COX10: variants seen among roughly 807,000 people sequenced by gnomAD.
COX10 encodes protoheme IX farnesyltransferase, mitochondrial.
In COX10, 27 loss-of-function variants were observed where a neutral mutation model predicts 37.3. The observed-to-expected ratio is 0.72, with a 90% CI of 0.53 to 1.00. The LOEUF (loss-of-function observed/expected upper bound fraction) is 1.00. Ranked by LOEUF, COX10 falls within the 50% of genes least tolerant of loss-of-function variation. COX10 has a pLI of 0.00. For synonymous variants in COX10, 222 were observed against 229.1 expected, an observed-to-expected ratio of 0.97 and a Z score of 0.28; for missense variants, 475 against 563.2, an observed-to-expected ratio of 0.84 and a Z score of 1.59.
intron 3 of COX10, among the ~76,000 whole-genome samples, chr17:14,096,309 C>T (rs1031032049): frequency 2.6e-5 from 4 of 151,618 alleles, no homozygotes; most frequent in African/African-American, 4.8e-5. Flanking sequence ...ACTTTCAGAC[C>T]ATAGCCCAGG....
chr17:14,094,903 G>A (rs1011183769), intron 3 of COX10, among the ~76,000 whole-genome samples: 1 of 152,192 alleles, frequency 6.6e-6, no homozygotes, highest in Non-Finnish European at 1.5e-5. Flanking sequence ...ACGGACAGGA[G>A]CCTGGAAGTC....
intron 4 of COX10, among the ~76,000 whole-genome samples, chr17:14,118,187 G>T (rs896016667): frequency 1.3e-5 from 2 of 152,068 alleles, no homozygotes; most frequent in African/African-American, 4.8e-5. Flanking sequence ...CAGGCCAAAA[G>T]GCAACTTTTG....
intron 5 of COX10, among the ~76,000 whole-genome samples, chr17:14,172,578 CTTTT>C (rs57560461): frequency 4.7e-5 from 5 of 105,606 alleles, no homozygotes; most frequent in Non-Finnish European, 7.9e-5. Flanking sequence ...TTTTCTTTTT[CTTTT>C]TTTTTTTTTT....
intron 3 of COX10, among the ~76,000 whole-genome samples, chr17:14,078,400 G>A (rs1021078267): frequency 6.6e-6 from 1 of 152,112 alleles, no homozygotes; most frequent in East Asian, 1.9e-4. Context: ...CTGCAGATTA[G>A]CTCTCGTCTC....
At chr17:14,144,053 A>G (rs1183286004) in intron 4 of COX10, among the ~76,000 whole-genome samples, 1 of 152,148 alleles carries the variant, frequency 6.6e-6, no homozygotes, top group Admixed American at 6.6e-5. Flanking sequence ...CCTTTGCTTT[A>G]TAGTTCAGAA....
At chr17:14,170,753 G>T (rs1336091190) in intron 5 of COX10, among the ~76,000 whole-genome samples, 2 of 152,132 alleles carry the variant, frequency 1.3e-5, no homozygotes, top group African/African-American at 4.8e-5. Flanking sequence ...GGATTTGGAG[G>T]TTACAGTGAG....
intron 4 of COX10, among the ~76,000 whole-genome samples, chr17:14,107,995 C>T (rs143232302): frequency 1.3e-5 from 2 of 152,258 alleles, no homozygotes; most frequent in East Asian, 1.9e-4. Flanking sequence ...ATAATACTTC[C>T]AGTGTATCAC....
intron 4 of COX10, 21 bp downstream of exon 4, chr17:14,102,263 T>C (rs746205584): frequency 6.2e-7 from 1 of 1,613,354 alleles, no homozygotes; most frequent in Admixed American, 1.7e-5. Context: ...CACTTTCATC[T>C]AAATTATGTT....
intron 5 of COX10, among the ~76,000 whole-genome samples, chr17:14,162,849 A>G (rs1020663731): frequency 3.3e-5 from 5 of 152,192 alleles, no homozygotes; most frequent in African/African-American, 1.2e-4. Context: ...AAATTTCAAG[A>G]TGTTACCAAT....
At chr17:14,187,548 A>G (rs1002984416) in intron 5 of COX10, among the ~76,000 whole-genome samples, 8 of 152,202 alleles carry the variant, frequency 5.3e-5, no homozygotes, top group Admixed American at 5.2e-4. Context: ...AAAGGCAGAG[A>G]AGATATCAAC....
intron 6 of COX10, among the ~76,000 whole-genome samples, chr17:14,204,461 C>T (rs1318865476): frequency 6.6e-6 from 1 of 151,764 alleles, no homozygotes; most frequent in Non-Finnish European, 1.5e-5. Flanking sequence ...ATACCTCCTC[C>T]CTCTCTCCTC....
At chr17:14,202,092 C>CTCT (rs1555542082) in intron 6 of COX10, among the ~76,000 whole-genome samples, 44 of 145,720 alleles carry the variant, frequency 3.0e-4, no homozygotes, top group Admixed American at 1.0e-3. Context: ...AGATCTCTCT[C>CTCT]TTTTTTTTTT....
At chr17:14,116,127 A>G (rs1916103331) in intron 4 of COX10, among the ~76,000 whole-genome samples, 1 of 152,156 alleles carries the variant, frequency 6.6e-6, no homozygotes, top group Non-Finnish European at 1.5e-5. Flanking sequence ...ACTAAATGAA[A>G]TTGTGCATTA....
chr17:14,069,757 G>C (rs989547287), intron 1 of COX10, 109 bp downstream of exon 1: 4 of 1,368,530 alleles, frequency 2.9e-6, no homozygotes, highest in Non-Finnish European at 4.1e-6. Context: ...TGGCGAGGTT[G>C]GCCGGCCACC....
At chr17:14,200,534 C>T (rs368034169) in intron 6 of COX10, among the ~76,000 whole-genome samples, 15 of 152,302 alleles carry the variant, frequency 9.8e-5, no homozygotes, top group African/African-American at 3.4e-4. Flanking sequence ...TGCCCTTCTC[C>T]ATTTTCTGAG....
intron 4 of COX10, among the ~76,000 whole-genome samples, chr17:14,140,748 A>T (rs1441733487): frequency 6.6e-6 from 1 of 152,166 alleles, no homozygotes; most frequent in African/African-American, 2.4e-5. Context: ...ATTAAATAGC[A>T]TGTAATATAT....
intron 4 of COX10, among the ~76,000 whole-genome samples, chr17:14,148,423 A>AT (rs1003603767): frequency 3.3e-5 from 5 of 151,742 alleles, no homozygotes; most frequent in Non-Finnish European, 5.9e-5. Flanking sequence ...CCTGTGCTTT[A>AT]TTTTTTTTGT....
At chr17:14,153,095 T>C (rs1273215450) in intron 4 of COX10, among the ~76,000 whole-genome samples, 1 of 152,204 alleles carries the variant, frequency 6.6e-6, no homozygotes, top group African/African-American at 2.4e-5. Flanking sequence ...TTCTGGGCAA[T>C]GTAGTTCTGG....
At chr17:14,172,578 CTTTTTTTTT>C (rs57560461) in intron 5 of COX10, among the ~76,000 whole-genome samples, 7 of 105,636 alleles carry the variant, frequency 6.6e-5, no homozygotes, top group East Asian at 2.7e-4. Context: ...TTTTCTTTTT[CTTTTTTTTT>C]TTTTTTTTTT....
Sources: gnomAD v4.1 joint callset for allele counts (sites outside exome capture counted in the v4.1 genomes callset) on GRCh38, gnomAD v4.1.1 for gene constraint, MANE v1.5 for transcripts, NCBI Gene and HGNC (gene_info 2026-07-23, HGNC 2026-07-21) for gene names.